C9orf43: variants seen among roughly 807,000 people sequenced by gnomAD.
C9orf43 encodes the protein uncharacterized protein C9orf43.
In C9orf43, 45 loss-of-function variants were observed where a neutral mutation model predicts 59.1. The observed-to-expected ratio is 0.76, with a 90% CI of 0.60 to 0.98. The LOEUF (loss-of-function observed/expected upper bound fraction) is 0.98. C9orf43 is among the 50% of genes least tolerant of loss of function. The pLI is 0.00. For missense variants in C9orf43, 533 were observed against 554.9 expected (o/e 0.96, Z 0.40); for synonymous variants, 203 against 196.8 (o/e 1.03, Z -0.26).
rs1828330384 is a variant in C9orf43 at position 113,415,646 on chromosome 9, A to G, written c.287+1752A>G. 3.3e-5 allele frequency among the ~76,000 whole-genome samples: 5 copies of G among 152,034 alleles called. No homozygotes were observed. In the South Asian group the frequency reaches 1.0e-3, roughly 32 times the overall value. ...ATTTTTAGGTATGAAACTATTTGTA[A>G]GCTCCTAAAGGAAAAAGCAGTGCCT... On this transcript the variant is annotated intron_variant, in intron 3 of 13. Transcript: ENST00000374165.
intron 8 of C9orf43, among the ~76,000 whole-genome samples, chr9:113,424,813 A>G (rs1001183313): frequency 6.6e-6 from 1 of 152,120 alleles, no homozygotes; most frequent in African/African-American, 2.4e-5. Flanking sequence ...GGCATGAGCC[A>G]CCATGCCTGG....
intron 3 of C9orf43, among the ~76,000 whole-genome samples, chr9:113,415,233 T>C (rs1401390063): frequency 1.3e-5 from 2 of 151,906 alleles, no homozygotes. Flanking sequence ...AACCTCCACC[T>C]CCTGGGTTCG....
chr9:113,420,558 A>T (rs1325061543), intron 4 of C9orf43, among the ~76,000 whole-genome samples: 2 of 152,236 alleles, frequency 1.3e-5, no homozygotes. Flanking sequence ...TGTGTATCTT[A>T]CCAGGAATAT....
At chr9:113,417,092 A>G (rs1828387925) in intron 3 of C9orf43, among the ~76,000 whole-genome samples, 1 of 152,178 alleles carries the variant, frequency 6.6e-6, no homozygotes, top group African/African-American at 2.4e-5. Flanking sequence ...GCCGCCTCTC[A>G]TGAGAATGTC....
chr9:113,425,747 C>T lies in C9orf43; in HGVS notation c.1030+17C>T. Reference sequence around the variant, plus strand: ...GTCTCTATGGTAAGGGGAATATATGCTTGGTTGGGGGTGATAGGATCCCTG... The same window carrying T: ...GTCTCTATGGTAAGGGGAATATATGTTTGGTTGGGGGTGATAGGATCCCTG... On this transcript the variant is annotated intron_variant, in intron 11 of 13. Transcript: ENST00000374165. The T allele has an allele frequency of 6.3e-7, 1 of 1,593,968 alleles. No individual in the cohort carries two copies. Among genetic ancestry groups the T allele is most frequent in the Non-Finnish European group, 8.6e-7 (1 of 1,161,706 alleles).
intron 9 of C9orf43, 83 bp from the exon 10 acceptor site, chr9:113,425,261 A>G: frequency 6.3e-7 from 1 of 1,589,948 alleles, no homozygotes; most frequent in South Asian, 1.1e-5. Context: ...GGGAGTCACC[A>G]TTGTGAAGGA....
At position 113,423,397 on chromosome 9, in the gene C9orf43, C is replaced by T. The variant is rs559508523; in HGVS notation, c.555C>T (p.Ile185=). The T allele has an allele frequency of 1.9e-5, 30 of 1,613,970 alleles. No homozygotes were observed. The highest frequency in any genetic ancestry group is 2.2e-5 in the Non-Finnish European group (26 of 1,179,968). Residue 185 remains isoleucine (I), a synonymous_variant, in exon 7 of 14, where the codon ATC becomes ATT. Transcript: ENST00000374165. ...CACGAGTAGGAACACCAGGGATGAT[C>T]GTGCCTCCCCCAACCCCAGTGCAAT... ...AGTRVGTPGM[I]VPPPTPVQLS...
intron 12 of C9orf43, among the ~76,000 whole-genome samples, chr9:113,428,625 G>T (rs1048059374): frequency 6.6e-6 from 1 of 152,184 alleles, no homozygotes; most frequent in Non-Finnish European, 1.5e-5. Flanking sequence ...GGGAGGAACA[G>T]CATGTGCATA....
chr9:113,422,035 C>T lies in C9orf43; in HGVS notation c.447-514C>T, dbSNP rs1297212252. Reference sequence around the variant, plus strand: ...CAACTTCTAAGGAGTTTCATGGCTGCTTTTAAGGTATAAGTTGGCTACTAG... The same window carrying T: ...CAACTTCTAAGGAGTTTCATGGCTGTTTTTAAGGTATAAGTTGGCTACTAG... On this transcript the variant is annotated intron_variant, in intron 5 of 13. Transcript: ENST00000374165. Among the ~76,000 whole-genome samples, 3 of 152,116 alleles carry T rather than the reference C, an allele frequency of 2.0e-5. No individual in the cohort carries two copies. The East Asian group carries it at 5.8e-4, about 29-fold the overall frequency.
intron 7 of C9orf43, 80 bp from the exon 8 acceptor site, chr9:113,424,086 C>T: frequency 1.3e-6 from 2 of 1,488,502 alleles, no homozygotes; most frequent in Non-Finnish European, 1.8e-6. Context: ...TTCTTGGAGC[C>T]CTTTACATCT....
chr9:113,417,959 C>A (rs540825385), intron 3 of C9orf43, among the ~76,000 whole-genome samples: 1 of 152,036 alleles, frequency 6.6e-6, no homozygotes, highest in Non-Finnish European at 1.5e-5. Context: ...ATCATTTACC[C>A]CTTTACATTA....
Position 113,429,452 on chromosome 9 carries a change from G to C in C9orf43, c.*66G>C. On this transcript the variant is annotated 3_prime_UTR_variant, in exon 14 of 14. Coordinates refer to ENST00000374165, the MANE Select transcript of C9orf43 (RefSeq NM_001278629.2). The stretch of plus-strand genomic sequence containing the variant: ...AGCCGTGTTCCAAAGCGGGATGGCT[G>C]GTATCCTGAGGGCAGCAACGTTTCA... 7.2e-7 allele frequency: 1 copy of C among 1,386,240 alleles called. No individual in the cohort carries two copies. Among genetic ancestry groups the C allele is most frequent in the Non-Finnish European group, 1.0e-6 (1 of 987,454 alleles). The allele number at this position is 1,386,240 out of a possible 1,614,324, so 85.9% of individuals were successfully genotyped here.
chr9:113,416,818 A>T (rs937722387), intron 3 of C9orf43, among the ~76,000 whole-genome samples: 3 of 151,948 alleles, frequency 2.0e-5, no homozygotes, highest in African/African-American at 4.8e-5. Context: ...ATAGTACCCT[A>T]CCTCCAGTTA....
rs751201868 is a variant in C9orf43, at chr9:113,410,788, T to A, written c.-263T>A. On this transcript the variant is annotated 5_prime_UTR_variant, in exon 1 of 14. Coordinates refer to ENST00000374165, the MANE Select transcript of C9orf43 (RefSeq NM_001278629.2). ...TCTGGGCCCGCCGGGTCCGTTAATCTCACCGCGCCGCAAGGGGCCACGTTT... is the reference window on the plus strand; with the variant it reads ...TCTGGGCCCGCCGGGTCCGTTAATCACACCGCGCCGCAAGGGGCCACGTTT... The A allele has an allele frequency of 3.6e-6, 1 of 278,590 alleles. No individual in the cohort carries two copies. The highest frequency in any genetic ancestry group is 5.6e-6 in the Non-Finnish European group (1 of 177,374). The allele number at this position is 278,590 out of a possible 1,614,324, so 17.3% of individuals were successfully genotyped here.
intron 1 of C9orf43, 22 bp from the exon 2 acceptor site, chr9:113,413,423 T>A (rs2119053432): frequency 2.6e-6 from 4 of 1,551,070 alleles, no homozygotes; most frequent in Non-Finnish European, 3.5e-6. Flanking sequence ...ACTCCCTAAT[T>A]ATGTAGCTGT....
chr9:113,420,203 C>T (rs1345657734), intron 4 of C9orf43, among the ~76,000 whole-genome samples: 1 of 152,080 alleles, frequency 6.6e-6, no homozygotes, highest in African/African-American at 2.4e-5. Flanking sequence ...AAACCATCCT[C>T]CTGTCTCAGA....
At position 113,429,413 on chromosome 9, in the gene C9orf43, G is replaced by T. The variant is rs767284725; in HGVS notation, c.*27G>T. 2 of 1,600,642 alleles carry T rather than the reference G, an allele frequency of 1.2e-6. No individual in the cohort carries two copies. Among genetic ancestry groups the T allele is most frequent in the Non-Finnish European group, 1.7e-6 (2 of 1,169,492 alleles). On this transcript the variant is annotated 3_prime_UTR_variant, in exon 14 of 14. Coordinates refer to ENST00000374165, the MANE Select transcript of C9orf43 (RefSeq NM_001278629.2). ...AAGCCTCTGGAGGAATAGACTGAAG[G>T]CATCCCCTGGGGCAGCCGTGTTCCA...
At chr9:113,429,083 A>G in intron 13 of C9orf43, 89 bp from the exon 14 acceptor site, 5 of 1,521,070 alleles carry the variant, frequency 3.3e-6, no homozygotes, top group Non-Finnish European at 4.6e-6. Flanking sequence ...GAGAAGTCCT[A>G]AAAACACCCC....
chr9:113,415,199 A>C (rs374889520), intron 3 of C9orf43, among the ~76,000 whole-genome samples: 2 of 151,798 alleles, frequency 1.3e-5, no homozygotes, highest in African/African-American at 2.4e-5. Context: ...CCTGGAGTAC[A>C]GTGTCGTGAT....
Sources: allele counts gnomAD v4.1 joint callset (sites outside exome capture counted in the v4.1 genomes callset), GRCh38; gene constraint gnomAD v4.1.1; transcripts MANE v1.5; gene names NCBI Gene and HGNC (gene_info 2026-07-23, HGNC 2026-07-21).